The following ANKFN1 variants were observed in gnomAD, a reference collection of about 807,000 sequenced individuals.
ANKFN1 encodes ankyrin repeat and fibronectin type-III domain-containing protein 1.
A neutral mutation model predicts 108.7 loss-of-function variants in ANKFN1; 74 were observed. The ratio of observed to expected loss-of-function variants is 0.68; its 90% confidence interval spans 0.56 to 0.83. The LOEUF (loss-of-function observed/expected upper bound fraction) is 0.83, where lower values mean the gene tolerates loss of function less well. Ranked by LOEUF, ANKFN1 falls within the 40% of genes least tolerant of loss-of-function variation. The pLI is 0.00. For missense variants in ANKFN1, 1,505 were observed against 1,382.3 expected, an observed-to-expected ratio of 1.09 and a Z score of -1.41; for synonymous variants, 547 against 516.2, an observed-to-expected ratio of 1.06 and a Z score of -0.81.
At chr17:56,147,789 GTA>G (rs1343154621) in intron 4 of ANKFN1, among the ~76,000 whole-genome samples, 1 of 152,186 alleles carries the variant, frequency 6.6e-6, no homozygotes, top group Admixed American at 6.5e-5. Context: ...TAAAGCAGGT[GTA>G]TGACTTTCAG....
intron 4 of ANKFN1, among the ~76,000 whole-genome samples, chr17:56,081,596 G>A (rs59109553): frequency 0.025 from 3,854 of 152,108 alleles, 146 homozygotes; most frequent in African/African-American, 0.086. Context: ...CAGGTTATCC[G>A]CCTGCCTCAG....
At chr17:56,440,916 T>G (rs1012213497) in intron 9 of ANKFN1, among the ~76,000 whole-genome samples, 4 of 152,124 alleles carry the variant, frequency 2.6e-5, no homozygotes, top group Non-Finnish European at 4.4e-5. Context: ...TAAATATGTT[T>G]TCACAAAAAA....
At chr17:56,406,316 G>T (rs1183960396) in intron 8 of ANKFN1, among the ~76,000 whole-genome samples, 1 of 152,040 alleles carries the variant, frequency 6.6e-6, no homozygotes, top group South Asian at 2.1e-4. Flanking sequence ...ACAAACAGGA[G>T]AAAACAATAC....
chr17:56,080,781 A>T (rs1905236867), intron 4 of ANKFN1, among the ~76,000 whole-genome samples: 1 of 152,224 alleles, frequency 6.6e-6, no homozygotes, highest in Non-Finnish European at 1.5e-5. Context: ...TTATGTTTTC[A>T]TAGAGACATA....
At chr17:56,112,534 A>C (rs536301396) in intron 4 of ANKFN1, among the ~76,000 whole-genome samples, 1 of 152,160 alleles carries the variant, frequency 6.6e-6, no homozygotes, top group South Asian at 2.1e-4. Flanking sequence ...AGCCAAATCT[A>C]TTCCCTTCCC....
chr17:56,250,232 A>T (rs2043204066), intron 3 of ANKFN1, among the ~76,000 whole-genome samples: 1 of 152,200 alleles, frequency 6.6e-6, no homozygotes, highest in South Asian at 2.1e-4. Context: ...CCTATTTAAA[A>T]CATTCCATGG....
At position 56,200,425 on chromosome 17, in the gene ANKFN1, T is replaced by A. The variant is rs74544690; in HGVS notation, c.-70-12173T>A. Among the ~76,000 whole-genome samples the A allele has an allele frequency of 3.6e-4, 55 of 152,352 alleles. 1 individual carries two copies. In the East Asian group the frequency reaches 9.8e-3, roughly 27 times the overall value. On this transcript the variant is annotated intron_variant, in intron 1 of 20. Transcript: ENST00000682825. Reference sequence around the variant, plus strand: ...TTCCTGGTTTTAGTTGCTTCATCCATAAAACAAGACCATTGGAATAGGAGT... The same window carrying A: ...TTCCTGGTTTTAGTTGCTTCATCCAAAAAACAAGACCATTGGAATAGGAGT...
upstream of ANKFN1, chr17:56,153,469 C>T (rs368706100): frequency 6.2e-7 from 1 of 1,613,296 alleles, no homozygotes; most frequent in African/African-American, 1.3e-5. Flanking sequence ...CTCCACCCCC[C>T]AGGTCCTCTT....
intron 4 of ANKFN1, among the ~76,000 whole-genome samples, chr17:56,069,316 T>C (rs1466231465): frequency 6.6e-6 from 1 of 152,154 alleles, no homozygotes; most frequent in Admixed American, 6.5e-5. Flanking sequence ...GTGATGGGGA[T>C]GGAGTGTCTG....
chr17:56,459,919 C>G (rs781316744), intron 14 of ANKFN1, among the ~76,000 whole-genome samples: 3 of 152,150 alleles, frequency 2.0e-5, no homozygotes, highest in Non-Finnish European at 4.4e-5. Context: ...CATTTCCTTC[C>G]TTGACCAGCT....
intron 4 of ANKFN1, among the ~76,000 whole-genome samples, chr17:56,118,719 A>C (rs987264864): frequency 1.3e-5 from 2 of 152,170 alleles, no homozygotes; most frequent in African/African-American, 4.8e-5. Context: ...TAAGAAGCGA[A>C]CATATTACAT....
At chr17:56,257,840 A>G (rs967158021) in intron 3 of ANKFN1, 1 of 152,238 alleles carries the variant, frequency 6.6e-6, no homozygotes, top group Non-Finnish European at 1.5e-5. Context: ...AAGGGGAAAC[A>G]TGTTGGTTTC....
chr17:56,413,876 C>T (rs769023959), intron 8 of ANKFN1, among the ~76,000 whole-genome samples: 2 of 152,148 alleles, frequency 1.3e-5, no homozygotes, highest in Non-Finnish European at 2.9e-5. Context: ...TGGGGTTTCT[C>T]CATGTTGACC....
intron 9 of ANKFN1, among the ~76,000 whole-genome samples, chr17:56,440,826 G>A (rs759507319): frequency 6.6e-6 from 1 of 151,786 alleles, no homozygotes; most frequent in Non-Finnish European, 1.5e-5. Flanking sequence ...CCTCGGTTGA[G>A]ATCAGTCATC....
intron 8 of ANKFN1, among the ~76,000 whole-genome samples, chr17:56,389,694 G>A (rs1040141494): frequency 6.6e-6 from 1 of 152,198 alleles, no homozygotes; most frequent in Admixed American, 6.5e-5. Context: ...GTTGGTGAAG[G>A]ATTATTCCTG....
chr17:56,474,939 G>A (rs2050449080), intron 15 of ANKFN1, among the ~76,000 whole-genome samples: 1 of 152,092 alleles, frequency 6.6e-6, no homozygotes. Context: ...TTTTGGCCAA[G>A]TGATCTTTTA....
At chr17:56,409,371 C>T (rs1178547167) in intron 8 of ANKFN1, among the ~76,000 whole-genome samples, 1 of 152,178 alleles carries the variant, frequency 6.6e-6, no homozygotes, top group African/African-American at 2.4e-5. Flanking sequence ...TTCCCTCATT[C>T]TTCCTGCTAA....
Position 56,511,667 on chromosome 17 carries a change from C to T in ANKFN1, c.*398C>T, listed in dbSNP as rs2051777059. ...AATTTGTGATTGATGAAGAGAAGTT[C>T]TATAAATGAAAATAAGATTAGCATC... On this transcript the variant is annotated 3_prime_UTR_variant, in exon 21 of 21. Coordinates refer to ENST00000682825, the MANE Select transcript of ANKFN1 (RefSeq NM_001370326.1). 1 of 166,114 alleles carries T rather than the reference C, an allele frequency of 6.0e-6. No homozygotes were observed. The highest frequency in any genetic ancestry group is 2.4e-5 in the African/African-American group (1 of 41,994). The allele number at this position is 166,114 out of a possible 1,614,324, so 10.3% of individuals were successfully genotyped here.
chr17:56,506,290 T>C (rs536959519), intron 20 of ANKFN1, among the ~76,000 whole-genome samples: 4 of 149,020 alleles, frequency 2.7e-5, no homozygotes, highest in Admixed American at 1.3e-4. Flanking sequence ...AAAAGGGTCA[T>C]TGCAGATGAA....
Sources: allele counts gnomAD v4.1 joint callset (sites outside exome capture counted in the v4.1 genomes callset), GRCh38; gene constraint gnomAD v4.1.1; transcripts MANE v1.5; gene names NCBI Gene and HGNC (gene_info 2026-07-23, HGNC 2026-07-21).